SYNE3: variants seen among roughly 807,000 people sequenced by gnomAD.
SYNE3 encodes spectrin repeat containing nuclear envelope family member 3.
A neutral mutation model predicts 111.2 loss-of-function variants in SYNE3; 100 were observed. That is an observed-to-expected ratio of 0.90 (90% CI 0.77 to 1.06). The LOEUF (loss-of-function observed/expected upper bound fraction) is 1.06, where lower values mean the gene tolerates loss of function less well. SYNE3 is among the 50% of genes least tolerant of loss of function. SYNE3 has a pLI of 0.00. For missense variants in SYNE3, 1,160 were observed against 1,240.3 expected (o/e 0.94, Z 0.97); for synonymous variants, 547 against 533.9 (o/e 1.02, Z -0.34).
At chr14:95,458,957 A>C (rs1595215809) in intron 4 of SYNE3, among the ~76,000 whole-genome samples, 1 of 152,368 alleles carries the variant, frequency 6.6e-6, no homozygotes, top group East Asian at 1.9e-4. Flanking sequence ...CTATTCTGCA[A>C]ATGTCCAGAC....
intron 1 of SYNE3, among the ~76,000 whole-genome samples, chr14:95,479,830 T>C (rs1889119325): frequency 6.6e-6 from 1 of 152,082 alleles, no homozygotes; most frequent in South Asian, 2.1e-4. Context: ...TGGCAAGGGT[T>C]AGGCATTGGA....
At chr14:95,493,976 C>A (rs1489270450) in intron 1 of SYNE3, among the ~76,000 whole-genome samples, 3 of 152,092 alleles carry the variant, frequency 2.0e-5, no homozygotes, top group African/African-American at 7.2e-5. Flanking sequence ...AGTTTCATGG[C>A]CTGCCCAAGA....
chr14:95,496,449 C>T (rs1373840575), intron 1 of SYNE3, among the ~76,000 whole-genome samples: 1 of 152,176 alleles, frequency 6.6e-6, no homozygotes, highest in Non-Finnish European at 1.5e-5. Flanking sequence ...TGTGGGAAGC[C>T]CTAGCTAAAT....
chr14:95,488,485 T>C (rs1889663857), intron 1 of SYNE3, among the ~76,000 whole-genome samples: 1 of 152,116 alleles, frequency 6.6e-6, no homozygotes, highest in Non-Finnish European at 1.5e-5. Flanking sequence ...TTCTCTTGTG[T>C]AAATACCTAG....
intron 1 of SYNE3, among the ~76,000 whole-genome samples, chr14:95,489,355 C>T (rs1228579886): frequency 6.6e-6 from 1 of 152,186 alleles, no homozygotes; most frequent in Non-Finnish European, 1.5e-5. Context: ...CAGGGGTTCT[C>T]CTGGAATAAG....
chr14:95,431,959 T>C lies in SYNE3; in HGVS notation c.2727+120A>G. On this transcript the variant is annotated intron_variant, in intron 17 of 17. Transcript: ENST00000682763. ...GCCCAGAGTTGATCCCCCATAAATG[T>C]TCTTTGGTCTTCCTGGAACCTTCCA... 3 of 1,160,450 alleles carry C rather than the reference T, an allele frequency of 2.6e-6. No individual in the cohort carries two copies. The South Asian group carries it at 4.3e-5, about 17-fold the overall frequency. 71.9% of individuals were successfully genotyped at this position (1,160,450 alleles called of 1,614,324 possible). A position where few individuals can be genotyped will look rare whatever the true frequency, so the allele number is the denominator to read the frequency against.
intron 2 of SYNE3, among the ~76,000 whole-genome samples, chr14:95,475,453 G>A (rs751802425): frequency 3.3e-4 from 51 of 152,260 alleles, no homozygotes; most frequent in Non-Finnish European, 5.3e-4. Flanking sequence ...AGCAAAAATG[G>A]TATCACCTGG....
intron 9 of SYNE3, 127 bp downstream of exon 9, chr14:95,445,782 T>C: frequency 9.9e-7 from 1 of 1,005,090 alleles, no homozygotes; most frequent in Non-Finnish European, 1.5e-6. Context: ...GACAAAGGGA[T>C]ACACCCAGGG....
chr14:95,409,512 G>T lies in SYNE3; in HGVS notation c.*8314C>A. On this transcript the variant is annotated 3_prime_UTR_variant, in exon 18 of 18. Coordinates refer to ENST00000682763, the MANE Select transcript of SYNE3 (RefSeq NM_152592.6). ...GAAACCGAGGTCCCTCCTTATGATTGCTGTCTCTCGGCTGGACAAGGTGGT... is the reference window on the plus strand; with the variant it reads ...GAAACCGAGGTCCCTCCTTATGATTTCTGTCTCTCGGCTGGACAAGGTGGT... 1 of 402,800 alleles carries T rather than the reference G, an allele frequency of 2.5e-6. No homozygotes were observed. The highest frequency in any genetic ancestry group is 4.9e-6 in the Non-Finnish European group (1 of 203,936). 25.0% of individuals were successfully genotyped at this position (402,800 alleles called of 1,614,324 possible).
At chr14:95,466,467 C>T (rs748046271) in intron 3 of SYNE3, among the ~76,000 whole-genome samples, 31 of 152,280 alleles carry the variant, frequency 2.0e-4, no homozygotes, top group Admixed American at 5.2e-4. Context: ...AAGCTCCCTG[C>T]GTGAGGGTAG....
intron 4 of SYNE3, among the ~76,000 whole-genome samples, chr14:95,458,326 G>A (rs935217471): frequency 2.0e-5 from 3 of 152,200 alleles, no homozygotes; most frequent in African/African-American, 7.2e-5. Flanking sequence ...CTTGAACCTT[G>A]GCCCCACCTT....
chr14:95,488,697 G>GGAGAA (rs1889677323), intron 1 of SYNE3, among the ~76,000 whole-genome samples: 1 of 38,240 alleles, frequency 2.6e-5, no homozygotes, highest in Non-Finnish European at 5.0e-5. Context: ...GAAGGGGAAG[G>GGAGAA]GAGGAGAGGA....
chr14:95,502,713 C>T (rs1056690902), intron 1 of SYNE3, among the ~76,000 whole-genome samples: 1 of 152,176 alleles, frequency 6.6e-6, no homozygotes, highest in East Asian at 1.9e-4. Flanking sequence ...CTCTGGCATT[C>T]GTTTCACAAG....
At chr14:95,431,653 C>T (rs972440475) in intron 17 of SYNE3, among the ~76,000 whole-genome samples, 2 of 152,224 alleles carry the variant, frequency 1.3e-5, no homozygotes, top group Non-Finnish European at 2.9e-5. Flanking sequence ...CTGTCCCTAC[C>T]GAGCCCCATA....
intron 3 of SYNE3, among the ~76,000 whole-genome samples, chr14:95,466,985 G>A (rs1318562034): frequency 6.6e-6 from 1 of 152,212 alleles, no homozygotes; most frequent in Non-Finnish European, 1.5e-5. Context: ...CTGCGTGTGC[G>A]TTCCAGGGGT....
At chr14:95,444,246 A>G in intron 10 of SYNE3, 1 of 506,822 alleles carries the variant, frequency 2.0e-6, no homozygotes, top group East Asian at 3.1e-5. Flanking sequence ...GGAACTGAGG[A>G]GTAAACAGAA....
chr14:95,460,936 G>C (rs145560901), intron 4 of SYNE3, among the ~76,000 whole-genome samples: 31 of 152,298 alleles, frequency 2.0e-4, no homozygotes, highest in Non-Finnish European at 3.7e-4. Flanking sequence ...GGCACCCGGA[G>C]AAGTCCAGGG....
chr14:95,493,275 C>T (rs1035677086), intron 1 of SYNE3, among the ~76,000 whole-genome samples: 4 of 152,178 alleles, frequency 2.6e-5, no homozygotes, highest in Non-Finnish European at 5.9e-5. Flanking sequence ...CAATATGCCC[C>T]TCCCTCTCCA....
rs184173485 is a variant in SYNE3 at position 95,462,269 on chromosome 14, C to T, written c.627+3662G>A. ...CCAGCTTCTAGAGAGACAGGAAACA[C>T]CTCCAGGGTACACCACAGCCCTCCT... is the stretch of plus-strand genomic sequence containing the variant. On this transcript the variant is annotated intron_variant, in intron 4 of 17. Transcript: ENST00000682763. 2.7e-4 allele frequency among the ~76,000 whole-genome samples: 41 copies of T among 152,310 alleles called. No homozygotes were observed. The East Asian group carries it at 5.8e-3, about 21-fold the overall frequency.
Sources: allele counts gnomAD v4.1 joint callset (sites outside exome capture counted in the v4.1 genomes callset), GRCh38; gene constraint gnomAD v4.1.1; transcripts MANE v1.5; gene names NCBI Gene and HGNC (gene_info 2026-07-23, HGNC 2026-07-21).